CALCR: variants seen among roughly 807,000 people sequenced by gnomAD.
CALCR encodes calcitonin receptor.
Under a neutral mutation model 59.5 loss-of-function variants are expected in CALCR, and 47 were observed. The ratio of observed to expected loss-of-function variants is 0.79; its 90% CI spans 0.63 to 1.01. CALCR has a LOEUF of 1.01. Ranked by LOEUF, CALCR falls within the 50% of genes least tolerant of loss-of-function variation. The pLI is 0.00. For missense variants in CALCR, 566 were observed against 597.1 expected, an observed-to-expected ratio of 0.95 and a Z score of 0.54; for synonymous variants, 213 against 211.3, an observed-to-expected ratio of 1.01 and a Z score of -0.07.
At chr7:93,517,928 G>T (rs1228028360) in intron 2 of CALCR, among the ~76,000 whole-genome samples, 1 of 151,832 alleles carries the variant, frequency 6.6e-6, no homozygotes, top group Non-Finnish European at 1.5e-5. Flanking sequence ...TTTTATATTG[G>T]TAGGGACAAG....
rs1562982597 is a variant in CALCR at position 93,460,599 on chromosome 7, A to ATATATATATATATATATATGTG, written c.648+221_648+222insCACATATATATATATATATATA. Among the ~76,000 whole-genome samples, 88 of 136,082 alleles carry ATATATATATATATATATATGTG rather than the reference A, an allele frequency of 6.5e-4. 1 individual carries two copies. The highest frequency in any genetic ancestry group is 2.5e-3 in the African/African-American group (87 of 35,032). 89.3% of individuals were successfully genotyped at this position (136,082 alleles called of 152,430 possible). ...TATATATATATATATATATGTATAT[A>ATATATATATATATATATATGTG]TATATATATATATGGTTTGTTGTAT... On this transcript the variant is annotated intron_variant, in intron 8 of 13. Coordinates refer to ENST00000426151, the MANE Select transcript of CALCR (RefSeq NM_001742.4).
At chr7:93,539,350 T>G (rs1181066491) in intron 2 of CALCR, among the ~76,000 whole-genome samples, 1 of 152,030 alleles carries the variant, frequency 6.6e-6, no homozygotes, top group Non-Finnish European at 1.5e-5. Flanking sequence ...TGTATGATGA[T>G]TATCTCATTT....
intron 2 of CALCR, among the ~76,000 whole-genome samples, chr7:93,502,748 A>G (rs191487670): frequency 1.3e-5 from 2 of 152,230 alleles, no homozygotes; most frequent in Admixed American, 1.3e-4. Flanking sequence ...ACCGATACTA[A>G]TGGAATACTC....
chr7:93,569,437 G>C (rs1249953007), intron 2 of CALCR, among the ~76,000 whole-genome samples: 2 of 152,088 alleles, frequency 1.3e-5, no homozygotes, highest in Non-Finnish European at 2.9e-5. Flanking sequence ...TGTCCTGCCT[G>C]TAACACTTCA....
At chr7:93,459,741 G>A (rs1584552222) in intron 8 of CALCR, among the ~76,000 whole-genome samples, 1 of 152,250 alleles carries the variant, frequency 6.6e-6, no homozygotes, top group East Asian at 1.9e-4. Flanking sequence ...AGTATCTTGA[G>A]TATAAAGAGA....
At position 93,567,030 on chromosome 7, in the gene CALCR, T is replaced by C. The variant is rs1022912439; in HGVS notation, c.-27+7259A>G. Among the ~76,000 whole-genome samples the C allele has an allele frequency of 2.6e-5, 4 of 152,214 alleles. No individual in the cohort carries two copies. The South Asian group carries it at 6.2e-4, about 24-fold the overall frequency. The stretch of plus-strand genomic sequence containing the variant: ...AAGAAGCAGAGGAGAAATAGAGGTA[T>C]GACTTTGTGATTAAGAGGGCAGAGG... On this transcript the variant is annotated intron_variant, in intron 2 of 13. Transcript: ENST00000426151.
At chr7:93,468,595 T>A (rs1224382402) in intron 7 of CALCR, 120 bp downstream of exon 7, 1 of 606,668 alleles carries the variant, frequency 1.6e-6, no homozygotes. Flanking sequence ...TGACTCCTAA[T>A]GTTGCATGTC....
chr7:93,468,897 A>C, intron 6 of CALCR, 91 bp from the exon 7 acceptor site: 1 of 645,760 alleles, frequency 1.5e-6, no homozygotes, highest in African/African-American at 1.9e-5. Flanking sequence ...GTAAATCAAC[A>C]AATGTTTTCC....
chr7:93,486,685 G>C (rs1800952475), intron 3 of CALCR, among the ~76,000 whole-genome samples: 1 of 151,486 alleles, frequency 6.6e-6, no homozygotes, highest in African/African-American at 2.4e-5. Flanking sequence ...TAAAATTAAT[G>C]CTAAAGTTTT....
intron 7 of CALCR, among the ~76,000 whole-genome samples, chr7:93,466,205 T>C (rs568801517): frequency 1.5e-4 from 23 of 151,962 alleles, no homozygotes; most frequent in Admixed American, 4.6e-4. Context: ...ACACAGATGA[T>C]CCCATTTAAG....
At position 93,459,193 on chromosome 7, in the gene CALCR, A is replaced by C. The variant is rs889390385; in HGVS notation, c.648+1628T>G. Among the ~76,000 whole-genome samples the C allele has an allele frequency of 6.8e-4, 104 of 152,180 alleles. 1 individual carries two copies. Among genetic ancestry groups the C allele is most frequent in the Admixed American group, 6.7e-3 (103 of 15,270 alleles). ...ACCAAAGTGATTTGATTTTTAAAAA[A>C]TTAATCTGGTAGATGTGGAAAACTA... On this transcript the variant is annotated intron_variant, in intron 8 of 13. Transcript: ENST00000426151.
intron 8 of CALCR, among the ~76,000 whole-genome samples, chr7:93,454,917 TGTGTGTGTGTG>T (rs1562980203): frequency 5.8e-4 from 10 of 17,338 alleles, no homozygotes; most frequent in South Asian, 3.6e-3. Context: ...CAGGGCATTT[TGTGTGTGTGTG>T]TGTGTGTGTG....
At chr7:93,544,549 T>C (rs1789234282) in intron 2 of CALCR, among the ~76,000 whole-genome samples, 1 of 152,236 alleles carries the variant, frequency 6.6e-6, no homozygotes, top group South Asian at 2.1e-4. Context: ...ATTTTGCCTT[T>C]ATTTTTCTTT....
At chr7:93,546,608 G>A (rs1789294607) in intron 2 of CALCR, among the ~76,000 whole-genome samples, 1 of 150,906 alleles carries the variant, frequency 6.6e-6, no homozygotes, top group Non-Finnish European at 1.5e-5. Flanking sequence ...GTGGAGTGCA[G>A]TGGTGGGATC....
chr7:93,517,317 A>ATCTTTTT (rs1554404282), intron 2 of CALCR, among the ~76,000 whole-genome samples: 18 of 127,774 alleles, frequency 1.4e-4, no homozygotes, highest in East Asian at 5.8e-4. Context: ...TTTTTTTTTA[A>ATCTTTTT]TTTGCTAGCC....
Position 93,426,283 on chromosome 7 carries a change from A to ACC in CALCR, c.*72_*73insGG. The ACC allele has an allele frequency of 1.2e-6, 1 of 836,698 alleles. No homozygotes were observed. The highest frequency in any genetic ancestry group is 2.1e-6 in the Non-Finnish European group (1 of 483,230). The allele number at this position is 836,698 out of a possible 1,614,324, so 51.8% of individuals were successfully genotyped here. On this transcript the variant is annotated 3_prime_UTR_variant, in exon 14 of 14. Coordinates refer to ENST00000426151, the MANE Select transcript of CALCR (RefSeq NM_001742.4). ...ATGTTCGGTTCCTGGGAGGATGGAG[A>ACC]ATACTTTAAATGCATGGTCTTTCTC...
intron 7 of CALCR, among the ~76,000 whole-genome samples, chr7:93,464,223 C>G (rs1168756292): frequency 2.0e-5 from 3 of 151,890 alleles, no homozygotes; most frequent in Non-Finnish European, 4.4e-5. Context: ...TGAGTTTTGC[C>G]AGTTGACTAA....
At chr7:93,460,755 T>C (rs1239863231) in intron 8 of CALCR, 66 bp downstream of exon 8, 7 of 1,184,938 alleles carry the variant, frequency 5.9e-6, no homozygotes, top group Middle Eastern at 2.7e-4. Flanking sequence ...ATGAACACCA[T>C]GTTCACTATT....
chr7:93,553,939 T>C (rs891239294), intron 2 of CALCR, among the ~76,000 whole-genome samples: 4 of 152,182 alleles, frequency 2.6e-5, no homozygotes, highest in African/African-American at 9.6e-5. Context: ...CCACTGCACC[T>C]AGATGTGACC....
Sources: gnomAD v4.1 joint callset for allele counts (sites outside exome capture counted in the v4.1 genomes callset) on GRCh38, gnomAD v4.1.1 for gene constraint, MANE v1.5 for transcripts, NCBI Gene and HGNC (gene_info 2026-07-23, HGNC 2026-07-21) for gene names.